Variants in SLC16A5 observed in about 807,000 individuals in gnomAD.
SLC16A5 encodes monocarboxylate transporter 6.
In SLC16A5, 29 loss-of-function variants were observed where a neutral mutation model predicts 33.2. The ratio of observed to expected loss-of-function variants is 0.87; its 90% CI spans 0.65 to 1.19. The LOEUF is 1.19. SLC16A5 is among the 50% of genes most tolerant of loss of function. The pLI, the probability that SLC16A5 is intolerant of heterozygous loss-of-function variation, is 0.00. For missense variants in SLC16A5, 606 were observed against 678.2 expected, an observed-to-expected ratio of 0.89 and a Z score of 1.18; for synonymous variants, 248 against 284.1, an observed-to-expected ratio of 0.87 and a Z score of 1.28.
At position 75,105,993 on chromosome 17, in the gene SLC16A5, A is replaced by G; in HGVS notation, c.1478A>G (p.Gln493Arg). ...EWLLWPKAVL[Q>R]AKQTALGWNS... is the part of the protein sequence containing the mutation. ...CTCTTATGGCCAAAGGCGGTACTGC[A>G]GGCCAAGCAAACGGCTCTGGGCTGG... Residue 493 changes from glutamine to arginine, a missense_variant, in exon 7 of 7, where the codon CAG (glutamine) becomes CGG (arginine). Physicochemically the swap from Gln to Arg is conservative, Grantham distance 43. Coordinates refer to ENST00000329783, the MANE Select transcript of SLC16A5 (RefSeq NM_004695.4). 6.2e-7 allele frequency: 1 copy of G among 1,604,886 alleles called. No homozygotes were observed. The highest frequency in any genetic ancestry group is 8.5e-7 in the Non-Finnish European group (1 of 1,174,322).
chr17:75,107,418 G>T (rs1034184988), downstream of SLC16A5, among the ~76,000 whole-genome samples: 3 of 152,206 alleles, frequency 2.0e-5, no homozygotes, highest in Admixed American at 2.0e-4. Context: ...TATTTACTGA[G>T]TATCTACTGT....
At chr17:75,103,935 G>A in intron 5 of SLC16A5, 35 bp from the exon 6 acceptor site, 1 of 1,593,498 alleles carries the variant, frequency 6.3e-7, no homozygotes, top group Non-Finnish European at 8.6e-7. Flanking sequence ...GGGGAGGCCT[G>A]GTAGCACTGG....
chr17:75,089,030 T>C (rs537007597), intron 1 of SLC16A5, 121 bp from the exon 2 acceptor site: 2 of 152,318 alleles, frequency 1.3e-5, no homozygotes, highest in African/African-American at 4.8e-5. Flanking sequence ...GAGCTGAGCT[T>C]GGCAGCCCCT....
At chr17:75,104,235 C>A in intron 6 of SLC16A5, 55 bp downstream of exon 6, 2 of 1,588,956 alleles carry the variant, frequency 1.3e-6, no homozygotes, top group South Asian at 2.3e-5. Context: ...GTGTCTGAGT[C>A]CTGGGATCAC....
downstream of SLC16A5, chr17:75,109,803 C>G (rs568117498): frequency 6.3e-6 from 1 of 159,952 alleles, no homozygotes; most frequent in South Asian, 1.7e-4. The surrounding 1 kb of genome is among the most constrained non-coding windows in gnomAD (Gnocchi z 5.0). Flanking sequence ...TACACCCACC[C>G]ACGCCTGCAC....
chr17:75,089,483 G>A (rs866525581), intron 2 of SLC16A5, among the ~76,000 whole-genome samples, 179 bp downstream of exon 2: 2 of 152,002 alleles, frequency 1.3e-5, no homozygotes, highest in Admixed American at 6.6e-5. Context: ...GGCCAGGTGC[G>A]GTGTCTCACA....
chr17:75,108,134 A>G (rs1479651557), downstream of SLC16A5, among the ~76,000 whole-genome samples: 1 of 152,136 alleles, frequency 6.6e-6, no homozygotes, highest in African/African-American at 2.4e-5. Context: ...CAATGAGGGA[A>G]GATGGGGTGG....
downstream of SLC16A5, among the ~76,000 whole-genome samples, chr17:75,109,228 C>G (rs1013778288): frequency 6.6e-6 from 1 of 152,186 alleles, no homozygotes; most frequent in Non-Finnish European, 1.5e-5. The surrounding 1 kb of genome is among the most constrained non-coding windows in gnomAD (Gnocchi z 5.0). Flanking sequence ...TCCTCGGGCT[C>G]CCCCGTGCTG....
In SLC16A5 at chr17:75,100,522, C is replaced by G; in HGVS notation, c.859C>G (p.Leu287Val). ...ISIIGFSNIFLRPLAGLMAGR... is the reference protein window; with the variant it reads ...ISIIGFSNIFVRPLAGLMAGR... Reference sequence around the variant, plus strand: ...CATCATCGGCTTCAGCAACATCTTCCTGAGGCCCCTAGCCGGGCTGATGGC... The same window carrying G: ...CATCATCGGCTTCAGCAACATCTTCGTGAGGCCCCTAGCCGGGCTGATGGC... Residue 287 changes from leucine to valine, a missense_variant, in exon 5 of 7, where the codon CTG (leucine) becomes GTG (valine). By Grantham distance (32) the Leu-to-Val change is conservative (BLOSUM62 1). Coordinates refer to ENST00000329783, the MANE Select transcript of SLC16A5 (RefSeq NM_004695.4). The G allele has an allele frequency of 6.2e-7, 1 of 1,614,230 alleles. No individual in the cohort carries two copies. Among genetic ancestry groups the G allele is most frequent in the Non-Finnish European group, 8.5e-7 (1 of 1,180,036 alleles).
At chr17:75,105,157 C>T in intron 6 of SLC16A5, 4 of 985,412 alleles carry the variant, frequency 4.1e-6, no homozygotes, top group Non-Finnish European at 4.8e-6. Flanking sequence ...GAGTGGCGCG[C>T]CCATCCTGGC....
chr17:75,099,944 C>A, intron 4 of SLC16A5, 63 bp from the exon 5 acceptor site: 2 of 1,484,488 alleles, frequency 1.3e-6, no homozygotes, highest in Non-Finnish European at 1.8e-6. Context: ...ACTGACCCCA[C>A]CCCTGGGTGC....
At chr17:75,106,882 G>C (rs1345618706), downstream of SLC16A5, among the ~76,000 whole-genome samples, 4 of 150,778 alleles carry the variant, frequency 2.7e-5, no homozygotes, top group Admixed American at 2.6e-4. Flanking sequence ...GTGATGGAAT[G>C]AGACTCGTCT....
chr17:75,100,287 C>A lies in SLC16A5; in HGVS notation c.624C>A (p.Pro208=). The part of the protein sequence containing the change: ...PETKECPPPP[P]ETPALGCLAA... ...CCAAAGAATGTCCCCCGCCACCTCC[C>A]GAGACACCTGCACTTGGCTGCCTGG... The change falls in exon 5 of 7, where the codon CCC becomes CCA. Residue 208 remains proline, a synonymous_variant. Coordinates refer to ENST00000329783, the MANE Select transcript of SLC16A5 (RefSeq NM_004695.4). The A allele has an allele frequency of 6.2e-7, 1 of 1,614,206 alleles. No individual in the cohort carries two copies. Among genetic ancestry groups the A allele is most frequent in the South Asian group, 1.1e-5 (1 of 91,082 alleles).
intron 2 of SLC16A5, chr17:75,093,324 C>A: frequency 7.6e-7 from 1 of 1,313,218 alleles, no homozygotes; most frequent in Non-Finnish European, 1.1e-6. Flanking sequence ...GCCACCTGCC[C>A]TGCCCCGTCC....
At chr17:75,092,529 G>A (rs1040224725) in intron 2 of SLC16A5, among the ~76,000 whole-genome samples, 2 of 152,050 alleles carry the variant, frequency 1.3e-5, no homozygotes, top group African/African-American at 2.4e-5. Context: ...GTTTCACCAC[G>A]TTGGCCAGGA....
chr17:75,091,779 G>A (rs774842507), intron 2 of SLC16A5, among the ~76,000 whole-genome samples: 16 of 152,354 alleles, frequency 1.1e-4, no homozygotes, highest in Middle Eastern at 3.4e-3. Flanking sequence ...CTTCACTGAG[G>A]TGGAGGCTGC....
chr17:75,091,835 T>C (rs1443123252), intron 2 of SLC16A5, among the ~76,000 whole-genome samples: 1 of 151,902 alleles, frequency 6.6e-6, no homozygotes, highest in Non-Finnish European at 1.5e-5. Context: ...GGCGGTGAGG[T>C]CTGAGGGGGT....
intron 6 of SLC16A5, 174 bp downstream of exon 6, chr17:75,104,354 C>G: frequency 7.0e-7 from 1 of 1,425,678 alleles, no homozygotes; most frequent in Middle Eastern, 2.6e-4. Flanking sequence ...GCTCTGCAAG[C>G]TGGGACTCTG....
Position 75,106,072 on chromosome 17 carries a change from T to A in SLC16A5, c.*39T>A, listed in dbSNP as rs536753345. The A allele has an allele frequency of 1.2e-5, 13 of 1,119,316 alleles. No individual in the cohort carries two copies. The East Asian group carries it at 3.1e-4, about 27-fold the overall frequency. 69.3% of individuals were successfully genotyped at this position (1,119,316 alleles called of 1,614,324 possible). The stretch of plus-strand genomic sequence containing the variant: ...CTCCGCCACTATCTGCCATGTGAGT[T>A]GGGCAAATTGTTGACCACCTCTGAG... On this transcript the variant is annotated 3_prime_UTR_variant, in exon 7 of 7. Transcript: ENST00000329783.
Sources: allele counts gnomAD v4.1 joint callset (sites outside exome capture counted in the v4.1 genomes callset), GRCh38; gene constraint gnomAD v4.1.1; non-coding constraint Gnocchi (gnomAD v3.1); transcripts MANE v1.5; gene names NCBI Gene and HGNC (gene_info 2026-07-23, HGNC 2026-07-21).